Variants in CDK17 observed in about 807,000 individuals in gnomAD.
CDK17 encodes cyclin dependent kinase 17.
In CDK17, 24 loss-of-function variants were observed where a neutral mutation model predicts 77.6. That is an observed-to-expected ratio of 0.31 (90% CI 0.22 to 0.44). The LOEUF (loss-of-function observed/expected upper bound fraction) is 0.44, where lower values mean the gene tolerates loss of function less well. Ranked by LOEUF, CDK17 falls within the 20% of genes least tolerant of loss-of-function variation. The pLI, the probability that CDK17 is intolerant of heterozygous loss-of-function variation, is 1.00. For synonymous variants in CDK17, 203 were observed against 210.4 expected, an observed-to-expected ratio of 0.96 and a Z score of 0.30; for missense variants, 429 against 622.5, an observed-to-expected ratio of 0.69 and a Z score of 3.31.
At chr12:96,388,276 G>A (rs1217656761) in intron 1 of CDK17, among the ~76,000 whole-genome samples, 1 of 152,182 alleles carries the variant, frequency 6.6e-6, no homozygotes, top group Non-Finnish European at 1.5e-5. Context: ...TGGCCCTAAG[G>A]AAAGCTTACA....
rs1352630105 is a variant in CDK17 at position 96,400,351 on chromosome 12, G to C, written c.-395C>G. 2.6e-6 allele frequency: 1 copy of C among 386,386 alleles called. No homozygotes were observed. Among genetic ancestry groups the C allele is most frequent in the East Asian group, 3.7e-5 (1 of 27,034 alleles). 23.9% of individuals were successfully genotyped at this position (386,386 alleles called of 1,614,324 possible). A position where few individuals can be genotyped will look rare whatever the true frequency, so the allele number is the denominator to read the frequency against. On this transcript the variant is annotated 5_prime_UTR_variant, in exon 1 of 17. Transcript: ENST00000261211. ...GCGCTGGCTCCTTCTCCGCGGCTCT[G>C]CGGCGGCCCGCGGGGAGCTCAGGAG...
intron 2 of CDK17, among the ~76,000 whole-genome samples, chr12:96,330,718 G>T (rs1336312822): frequency 3.9e-5 from 6 of 152,154 alleles, no homozygotes; most frequent in African/African-American, 1.4e-4. Context: ...TCCATTCTAT[G>T]GACAGACCAC....
At chr12:96,303,119 A>C (rs1459595816) in intron 5 of CDK17, 4 of 152,142 alleles carry the variant, frequency 2.6e-5, no homozygotes, top group Non-Finnish European at 5.9e-5. Context: ...CAATAGATAT[A>C]ATGACTAGCT....
intron 1 of CDK17, among the ~76,000 whole-genome samples, chr12:96,349,461 A>G (rs940076357): frequency 6.6e-6 from 1 of 152,136 alleles, no homozygotes; most frequent in Non-Finnish European, 1.5e-5. Context: ...CTCAAAAAAA[A>G]AGAAAATCAA....
chr12:96,348,623 A>C (rs1289746489), intron 1 of CDK17, among the ~76,000 whole-genome samples: 1 of 152,092 alleles, frequency 6.6e-6, no homozygotes, highest in African/African-American at 2.4e-5. Flanking sequence ...AATGACTAAA[A>C]TCAGAAAGTG....
chr12:96,366,000 T>C (rs1953577717), intron 1 of CDK17, among the ~76,000 whole-genome samples: 1 of 152,254 alleles, frequency 6.6e-6, no homozygotes, highest in South Asian at 2.1e-4. Flanking sequence ...TGAATCTCTC[T>C]CCTTTGGCAG....
In CDK17 at chr12:96,297,648, C is replaced by T. The variant is rs779830130; in HGVS notation, c.789G>A (p.Leu263=). 6.3e-7 allele frequency: 1 copy of T among 1,599,548 alleles called. No homozygotes were observed. The highest frequency in any genetic ancestry group is 8.6e-7 in the Non-Finnish European group (1 of 1,168,698). The part of the protein sequence containing the change: ...LHDIVHTDKS[L]TLVFEYLDKD... ...TTACCAGATACTCAAACACCAAAGT[C>T]AAGGATTTATCTGTGTGAACAATGT... The change falls in exon 8 of 17, where the codon TTG becomes TTA. Residue 263 remains leucine (L), a synonymous_variant. Transcript: ENST00000261211.
At chr12:96,299,976 T>C (rs1010519616) in intron 6 of CDK17, among the ~76,000 whole-genome samples, 3 of 152,222 alleles carry the variant, frequency 2.0e-5, no homozygotes, top group South Asian at 2.1e-4. Context: ...TCTGAACTCA[T>C]GCAATTTCCC....
rs779672450 is a variant in CDK17 at position 96,334,840 on chromosome 12, A to G, written c.-4T>C. ...GCCTTCTCTTAAATTTTTTCATCCT[A>G]TCAATTGAATGTGGCTTGAAAAATC... On this transcript the variant is annotated 5_prime_UTR_variant, in exon 2 of 17. Transcript: ENST00000261211. 5 of 1,431,532 alleles carry G rather than the reference A, an allele frequency of 3.5e-6. No homozygotes were observed. Among genetic ancestry groups the G allele is most frequent in the East Asian group, 2.3e-5 (1 of 43,936 alleles). 88.7% of individuals were successfully genotyped at this position (1,431,532 alleles called of 1,614,324 possible).
Position 96,297,734 on chromosome 12 carries a change from AAAAG to A in CDK17, c.716-17_716-14del. 5.7e-6 allele frequency: 8 copies of A among 1,409,206 alleles called. No individual in the cohort carries two copies. Among genetic ancestry groups the A allele is most frequent in the Non-Finnish European group, 8.0e-6 (8 of 1,003,118 alleles). The allele number at this position is 1,409,206 out of a possible 1,614,324, so 87.3% of individuals were successfully genotyped here. A position where few individuals can be genotyped will look rare whatever the true frequency, so the allele number is the denominator to read the frequency against. ...TTTAATAGTGAAACTGCAAAACAGA[AAAAG>A]AAAATTGTTTAGTCTGTGGCAGTCT... On this transcript the variant is annotated splice_polypyrimidine_tract_variant and intron_variant, in intron 7 of 16. Transcript: ENST00000261211.
chr12:96,313,539 C>A, intron 3 of CDK17, 85 bp from the exon 4 acceptor site: 2 of 725,734 alleles, frequency 2.8e-6, no homozygotes, highest in Non-Finnish European at 4.0e-6. Flanking sequence ...TATAGAAGGC[C>A]AACGAGTAAA....
At chr12:96,325,729 T>G (rs1032723813) in intron 2 of CDK17, among the ~76,000 whole-genome samples, 8 of 152,212 alleles carry the variant, frequency 5.3e-5, no homozygotes, top group African/African-American at 1.9e-4. Flanking sequence ...TGGCAGTACC[T>G]AACTGATAAA....
intron 1 of CDK17, chr12:96,387,101 C>A: frequency 3.0e-6 from 1 of 330,572 alleles, no homozygotes; most frequent in East Asian, 9.8e-5. Flanking sequence ...CGGTGACATC[C>A]ACACCTGTGA....
At chr12:96,314,307 C>G (rs1949291764) in intron 3 of CDK17, among the ~76,000 whole-genome samples, 1 of 152,172 alleles carries the variant, frequency 6.6e-6, no homozygotes, top group Non-Finnish European at 1.5e-5. Flanking sequence ...AAGCAATCCT[C>G]CTGCCTCCCA....
At chr12:96,392,601 G>T (rs1393956723) in intron 1 of CDK17, among the ~76,000 whole-genome samples, 2 of 152,220 alleles carry the variant, frequency 1.3e-5, no homozygotes, top group African/African-American at 4.8e-5. Context: ...AAAAGCGTAA[G>T]AAAGAAGCTG....
At position 96,282,582 on chromosome 12, in the gene CDK17, C is replaced by T. The variant is rs373534430; in HGVS notation, c.1383G>A (p.Arg461=). 25 of 1,611,058 alleles carry T rather than the reference C, an allele frequency of 1.6e-5. No homozygotes were observed. In the African/African-American group the frequency reaches 3.2e-4, roughly 21 times the overall value. The change falls in exon 15 of 17, where the codon AGG becomes AGA. Residue 461 remains arginine (R), a synonymous_variant. Coordinates refer to ENST00000261211, the MANE Select transcript of CDK17 (RefSeq NM_002595.5). ...TKFLQYESKK[R]VSAEEAMKHV... ...GTTTCATGGCCTCTTCAGCTGAAACCCTTTTCTTAGATTCATACTGTGAAA... is the reference window on the plus strand; with the variant it reads ...GTTTCATGGCCTCTTCAGCTGAAACTCTTTTCTTAGATTCATACTGTGAAA...
chr12:96,353,677 G>A (rs1953349583), intron 1 of CDK17, among the ~76,000 whole-genome samples: 1 of 151,382 alleles, frequency 6.6e-6, no homozygotes, highest in Non-Finnish European at 1.5e-5. Context: ...CTTTCTGAAA[G>A]GGTCTCAGGA....
chr12:96,376,457 C>T (rs941439327), intron 1 of CDK17, among the ~76,000 whole-genome samples: 3 of 152,092 alleles, frequency 2.0e-5, no homozygotes, highest in African/African-American at 7.2e-5. Flanking sequence ...CACATGGCCC[C>T]CTACAAATGC....
chr12:96,340,643 C>T (rs997953193), intron 1 of CDK17, among the ~76,000 whole-genome samples: 1 of 152,132 alleles, frequency 6.6e-6, no homozygotes, highest in Admixed American at 6.5e-5. Flanking sequence ...AACAAAGGCA[C>T]ATATGCTAAA....
Sources: allele counts gnomAD v4.1 joint callset (sites outside exome capture counted in the v4.1 genomes callset), GRCh38; gene constraint gnomAD v4.1.1; transcripts MANE v1.5; gene names NCBI Gene and HGNC (gene_info 2026-07-23, HGNC 2026-07-21).